DTNB: variants seen among roughly 807,000 people sequenced by gnomAD.
The protein encoded by DTNB is DTN-B.
Under a neutral mutation model 90.7 loss-of-function variants are expected in DTNB, and 63 were observed. The observed-to-expected ratio is 0.69, with a 90% CI of 0.57 to 0.86. The LOEUF is 0.86. Among genes scored for constraint, DTNB ranks in the 40% least tolerant of loss-of-function variants. The probability of loss-of-function intolerance (pLI) is 0.00; values close to 1 mark genes in which losing one functional copy is unlikely to be tolerated. For missense variants in DTNB, 744 were observed against 807.1 expected (o/e 0.92, Z 0.95); for synonymous variants, 277 against 286.7 (o/e 0.97, Z 0.34).
chr2:25,540,767 T>C (rs1328326218), intron 8 of DTNB, among the ~76,000 whole-genome samples: 1 of 151,994 alleles, frequency 6.6e-6, no homozygotes, highest in Non-Finnish European at 1.5e-5. Context: ...CTCTGAAACA[T>C]ATGCTGTGTC....
intron 3 of DTNB, among the ~76,000 whole-genome samples, chr2:25,635,300 G>A (rs565209200): frequency 2.0e-4 from 30 of 152,118 alleles, no homozygotes; most frequent in Non-Finnish European, 2.8e-4. Context: ...GTATGGTGGC[G>A]GGCGCCTGTA....
intron 3 of DTNB, among the ~76,000 whole-genome samples, chr2:25,631,841 G>T (rs1202264443): frequency 6.6e-6 from 1 of 152,080 alleles, no homozygotes; most frequent in Admixed American, 6.6e-5. Flanking sequence ...ATAAAGTACA[G>T]CCTCCACTGA....
intron 8 of DTNB, among the ~76,000 whole-genome samples, chr2:25,548,190 C>T (rs1042538716): frequency 6.6e-6 from 1 of 152,044 alleles, no homozygotes; most frequent in Non-Finnish European, 1.5e-5. Flanking sequence ...CTTTCAGTTT[C>T]AGAGTACTGA....
At chr2:25,633,354 C>A (rs934112257) in intron 3 of DTNB, among the ~76,000 whole-genome samples, 1 of 152,142 alleles carries the variant, frequency 6.6e-6, no homozygotes, top group African/African-American at 2.4e-5. Context: ...TTGGTGGAGA[C>A]GGGGTTTCGC....
intron 1 of DTNB, among the ~76,000 whole-genome samples, chr2:25,664,179 CTTT>C (rs1411164777): frequency 6.6e-6 from 1 of 152,078 alleles, no homozygotes; most frequent in African/African-American, 2.4e-5. Context: ...TTTATTACTG[CTTT>C]TTCATCAATC....
chr2:25,595,006 A>G (rs1337018010), intron 6 of DTNB: 1 of 152,168 alleles, frequency 6.6e-6, no homozygotes, highest in Non-Finnish European at 1.5e-5. Context: ...AACTCTTTTA[A>G]CCTAGAACAT....
chr2:25,636,963 A>C (rs368237149), intron 3 of DTNB, among the ~76,000 whole-genome samples: 1 of 151,978 alleles, frequency 6.6e-6, no homozygotes, highest in Admixed American at 6.6e-5. Flanking sequence ...AGTAGAGTAG[A>C]ATTTATCAGC....
intron 9 of DTNB, among the ~76,000 whole-genome samples, chr2:25,526,275 C>G (rs1456283549): frequency 6.7e-6 from 1 of 148,440 alleles, no homozygotes; most frequent in Non-Finnish European, 1.5e-5. Flanking sequence ...TATGTGGAGG[C>G]AGAGGTCTAA....
intron 20 of DTNB, among the ~76,000 whole-genome samples, chr2:25,378,213 A>G (rs542883990): frequency 2.4e-4 from 37 of 152,302 alleles, no homozygotes; most frequent in Admixed American, 9.1e-4. Flanking sequence ...CTCGGCTGCC[A>G]CGGCCTAGGC....
intron 4 of DTNB, among the ~76,000 whole-genome samples, chr2:25,611,271 G>A (rs1448169776): frequency 6.6e-6 from 1 of 152,068 alleles, no homozygotes; most frequent in Non-Finnish European, 1.5e-5. Context: ...CGATGAGCAG[G>A]ACAAACAAAA....
intron 16 of DTNB, among the ~76,000 whole-genome samples, chr2:25,390,892 T>C (rs1231712272): frequency 6.6e-6 from 1 of 151,102 alleles, no homozygotes; most frequent in Non-Finnish European, 1.5e-5. Context: ...GATTAGGTAA[T>C]GACTTTTTTT....
intron 2 of DTNB, among the ~76,000 whole-genome samples, chr2:25,648,026 A>C (rs1281993252): frequency 3.9e-5 from 6 of 152,206 alleles, no homozygotes; most frequent in Non-Finnish European, 7.4e-5. Context: ...TAAAGCCAAA[A>C]GTCAGTCCAA....
intron 10 of DTNB, among the ~76,000 whole-genome samples, chr2:25,475,439 G>A (rs912632783): frequency 1.3e-5 from 2 of 152,248 alleles, no homozygotes; most frequent in Non-Finnish European, 2.9e-5. Context: ...AGAGCTGGAA[G>A]CTAACAGAGG....
intron 19 of DTNB, chr2:25,383,587 A>G (rs1573629154): frequency 1.5e-6 from 1 of 677,654 alleles, no homozygotes; most frequent in Non-Finnish European, 2.4e-6. Context: ...TTCTACTTGT[A>G]TCTACTTCCT....
chr2:25,570,144 G>C (rs915649379), intron 8 of DTNB, among the ~76,000 whole-genome samples: 4 of 150,924 alleles, frequency 2.7e-5, no homozygotes, highest in Admixed American at 2.6e-4. Context: ...TGGGCTCCAT[G>C]GCTTATGCCT....
intron 10 of DTNB, among the ~76,000 whole-genome samples, chr2:25,473,874 C>T (rs1165942075): frequency 1.3e-5 from 2 of 152,218 alleles, no homozygotes; most frequent in South Asian, 2.1e-4. Flanking sequence ...AATCTGAACA[C>T]GACAACATTG....
intron 19 of DTNB, among the ~76,000 whole-genome samples, chr2:25,380,633 AAGAC>A (rs1365414593): frequency 2.0e-5 from 3 of 152,274 alleles, no homozygotes; most frequent in Non-Finnish European, 4.4e-5. Flanking sequence ...GAGGCACAGA[AAGAC>A]AGAAGAGATG....
chr2:25,615,943 A>G (rs1461876400), intron 4 of DTNB, among the ~76,000 whole-genome samples: 1 of 152,196 alleles, frequency 6.6e-6, no homozygotes, highest in East Asian at 1.9e-4. Flanking sequence ...TTTCATATGC[A>G]TCCAGAGCTG....
chr2:25,446,633 T>A (rs1305684607), intron 12 of DTNB, among the ~76,000 whole-genome samples: 1 of 152,174 alleles, frequency 6.6e-6, no homozygotes, highest in Admixed American at 6.5e-5. Flanking sequence ...GTGAATCCCT[T>A]GTAGATAAAG....
Sources: allele counts gnomAD v4.1 joint callset (sites outside exome capture counted in the v4.1 genomes callset), GRCh38; gene constraint gnomAD v4.1.1; transcripts MANE v1.5; gene names NCBI Gene and HGNC (gene_info 2026-07-23, HGNC 2026-07-21).